The following CDH4 variants were observed in gnomAD, a reference collection of about 807,000 sequenced individuals.
CDH4 encodes cadherin 4.
In CDH4, 33 loss-of-function variants were observed where a neutral mutation model predicts 86.0. The ratio of observed to expected loss-of-function variants is 0.38; its 90% CI spans 0.29 to 0.51. The LOEUF is 0.51. CDH4 is among the 20% of genes least tolerant of loss of function. The pLI, the probability that CDH4 is intolerant of heterozygous loss-of-function variation, is 0.86. For missense variants in CDH4, 1,114 were observed against 1,307.4 expected (o/e 0.85, Z 2.28); for synonymous variants, 555 against 549.4 (o/e 1.01, Z -0.14).
intron 9 of CDH4, among the ~76,000 whole-genome samples, chr20:61,916,777 A>G (rs1423373998): frequency 6.6e-6 from 1 of 152,216 alleles, no homozygotes; most frequent in African/African-American, 2.4e-5. Context: ...GAATCAGTGA[A>G]ATATTTTGTC....
intron 2 of CDH4, among the ~76,000 whole-genome samples, chr20:61,646,166 C>G (rs1166733534): frequency 1.3e-5 from 2 of 152,050 alleles, no homozygotes; most frequent in Admixed American, 1.3e-4. Context: ...GTGTGATTCC[C>G]GCGGTGGGAA....
chr20:61,818,670 C>T (rs1158680066), intron 4 of CDH4, among the ~76,000 whole-genome samples: 1 of 143,810 alleles, frequency 7.0e-6, no homozygotes, highest in African/African-American at 2.5e-5. Context: ...AGAACGAAGT[C>T]TCTTAAAAAA....
chr20:61,285,919 C>T (rs6015939), intron 2 of CDH4, among the ~76,000 whole-genome samples: 4,224 of 152,330 alleles, frequency 0.028, 185 homozygotes, highest in African/African-American at 0.093. Context: ...CCTCAGCAGG[C>T]AGGAAAGGCG....
At chr20:61,928,114 G>T in intron 11 of CDH4, 76 bp from the exon 12 acceptor site, 1 of 1,110,520 alleles carries the variant, frequency 9.0e-7, no homozygotes, top group South Asian at 1.2e-5. Flanking sequence ...GTTTGTGTGC[G>T]TGTCCTGTGT....
chr20:61,841,264 C>T (rs954888367), intron 4 of CDH4, among the ~76,000 whole-genome samples: 9 of 152,218 alleles, frequency 5.9e-5, no homozygotes, highest in African/African-American at 1.9e-4. Flanking sequence ...AGAAGCGCAG[C>T]GCTCCCGGAC....
Position 61,402,077 on chromosome 20 carries a change from C to T in CDH4, c.169+147140C>T, listed in dbSNP as rs546008418. On this transcript the variant is annotated intron_variant, in intron 2 of 15. Transcript: ENST00000614565. ...GTCCCAGTCACCTAGCTACACAGCA[C>T]AGAATGGATTTTTATAATAATGGAT... 2.0e-5 allele frequency among the ~76,000 whole-genome samples: 3 copies of T among 152,276 alleles called. No homozygotes were observed. In the South Asian group the frequency reaches 6.2e-4, roughly 32 times the overall value.
chr20:61,391,271 A>T (rs1470148344), intron 2 of CDH4, among the ~76,000 whole-genome samples: 1 of 152,050 alleles, frequency 6.6e-6, no homozygotes, highest in Non-Finnish European at 1.5e-5. Flanking sequence ...AGAGGGGCTG[A>T]GTGCTGTATT....
chr20:61,540,001 G>A (rs6142794), intron 2 of CDH4, among the ~76,000 whole-genome samples: 26,588 of 152,130 alleles, frequency 0.17, 2,693 homozygotes, highest in East Asian at 0.43. Flanking sequence ...TGCCCGCAGC[G>A]TTCAGAGCAG....
At chr20:61,420,250 G>A (rs62199126) in intron 2 of CDH4, among the ~76,000 whole-genome samples, 24,809 of 152,220 alleles carry the variant, frequency 0.16, 2,173 homozygotes, top group Non-Finnish European at 0.18. Flanking sequence ...GCGGGGAAAC[G>A]CAGGGAGAGG....
chr20:61,352,444 A>G (rs1295811841), intron 2 of CDH4, among the ~76,000 whole-genome samples: 1 of 152,188 alleles, frequency 6.6e-6, no homozygotes, highest in Non-Finnish European at 1.5e-5. Flanking sequence ...ACGTCTGAAA[A>G]TGTGGCAAAC....
chr20:61,268,552 G>A (rs74489260), intron 2 of CDH4, among the ~76,000 whole-genome samples: 2,287 of 152,330 alleles, frequency 0.015, 90 homozygotes, highest in East Asian at 0.14. Flanking sequence ...CAAATCTCTT[G>A]TTGAAATGTG....
intron 2 of CDH4, among the ~76,000 whole-genome samples, chr20:61,402,341 GT>G (rs1246267504): frequency 6.6e-6 from 1 of 152,152 alleles, no homozygotes; most frequent in Non-Finnish European, 1.5e-5. Flanking sequence ...ATACTGTATT[GT>G]TTATGAAATA....
chr20:61,747,112 A>G (rs964377439), intron 3 of CDH4, among the ~76,000 whole-genome samples: 1 of 152,204 alleles, frequency 6.6e-6, no homozygotes, highest in Non-Finnish European at 1.5e-5. Context: ...GGGACAAGAC[A>G]TAGAAAGAAC....
chr20:61,748,839 T>C (rs1270027886), intron 3 of CDH4, among the ~76,000 whole-genome samples: 1 of 151,434 alleles, frequency 6.6e-6, no homozygotes. Flanking sequence ...AGTAACGTAA[T>C]AAAAGGAAAA....
At chr20:61,929,349 G>A (rs1021872215) in intron 12 of CDH4, among the ~76,000 whole-genome samples, 1 of 152,148 alleles carries the variant, frequency 6.6e-6, no homozygotes, top group East Asian at 1.9e-4. Flanking sequence ...TGTTGGCCAG[G>A]CTGGTCGTGA....
chr20:61,605,866 T>G (rs1437541814), intron 2 of CDH4, among the ~76,000 whole-genome samples: 1 of 141,678 alleles, frequency 7.1e-6, no homozygotes, highest in Non-Finnish European at 1.5e-5. Flanking sequence ...TTGTTCCCAG[T>G]AGCGGTCAAG....
intron 2 of CDH4, among the ~76,000 whole-genome samples, chr20:61,374,904 C>T (rs567892602): frequency 1.1e-3 from 168 of 152,338 alleles, no homozygotes; most frequent in African/African-American, 3.9e-3. Context: ...TCGGTCTCCA[C>T]GACCTCCTAT....
intron 7 of CDH4, among the ~76,000 whole-genome samples, chr20:61,874,998 CGG>C (rs1259109219): frequency 6.6e-6 from 1 of 152,166 alleles, no homozygotes; most frequent in Admixed American, 6.5e-5. Context: ...TCTGGGTGTG[CGG>C]GGACCCCACT....
chr20:61,478,164 A>G (rs1379515373), intron 2 of CDH4, among the ~76,000 whole-genome samples: 1 of 152,144 alleles, frequency 6.6e-6, no homozygotes, highest in Non-Finnish European at 1.5e-5. Context: ...ACTCCCCTAA[A>G]GGGTTCCAGA....
Sources: allele counts gnomAD v4.1 joint callset (sites outside exome capture counted in the v4.1 genomes callset), GRCh38; gene constraint gnomAD v4.1.1; transcripts MANE v1.5; gene names NCBI Gene and HGNC (gene_info 2026-07-23, HGNC 2026-07-21).